Variants in SUMF1 observed in about 807,000 individuals in gnomAD.
SUMF1 encodes the protein formylglycine-generating enzyme.
SUMF1 carries 48 observed loss-of-function variants against 47.6 expected under a neutral mutation model. That is an observed-to-expected ratio of 1.01 (90% CI 0.80 to 1.28). SUMF1 has a LOEUF of 1.28. Ranked by LOEUF, SUMF1 falls within the 50% of genes most tolerant of loss-of-function variation. SUMF1 has a pLI of 0.00. For missense variants in SUMF1, 571 were observed against 485.4 expected (o/e 1.18, Z -1.66); for synonymous variants, 230 against 192.1 (o/e 1.20, Z -1.63).
At chr3:4,400,877 C>T (rs752834269) in intron 7 of SUMF1, among the ~76,000 whole-genome samples, 4 of 152,060 alleles carry the variant, frequency 2.6e-5, no homozygotes, top group Non-Finnish European at 5.9e-5. Context: ...AGTTTTGTTA[C>T]ATATGTATAC....
chr3:4,149,773 G>A (rs1037457761), intron 8 of SUMF1, among the ~76,000 whole-genome samples: 13 of 152,096 alleles, frequency 8.5e-5, no homozygotes, highest in African/African-American at 3.1e-4. Flanking sequence ...TTGCTCCCTG[G>A]CCTGTGGACG....
At chr3:4,194,997 T>G (rs1373107071) in intron 8 of SUMF1, among the ~76,000 whole-genome samples, 2 of 152,134 alleles carry the variant, frequency 1.3e-5, no homozygotes, top group East Asian at 1.9e-4. Flanking sequence ...AGTCACTTAT[T>G]TAAAGTAAAG....
At chr3:4,070,627 CCTTT>C (rs1321002141) in intron 8 of SUMF1, among the ~76,000 whole-genome samples, 1 of 151,968 alleles carries the variant, frequency 6.6e-6, no homozygotes, top group Non-Finnish European at 1.5e-5. Context: ...TCCTTTCAGT[CCTTT>C]CTTTTTCTTT....
chr3:4,265,470 T>C (rs184408425), intron 8 of SUMF1, among the ~76,000 whole-genome samples: 7 of 152,290 alleles, frequency 4.6e-5, no homozygotes, highest in Admixed American at 1.3e-4. Flanking sequence ...AAAACACTTT[T>C]TCACACATTA....
intron 8 of SUMF1, among the ~76,000 whole-genome samples, chr3:4,314,838 ATAT>A (rs1284160861): frequency 6.6e-6 from 1 of 152,176 alleles, no homozygotes; most frequent in Non-Finnish European, 1.5e-5. Flanking sequence ...AGCCCCTATG[ATAT>A]TATTAAGTAA....
intron 8 of SUMF1, among the ~76,000 whole-genome samples, chr3:4,280,951 T>G (rs1312218474): frequency 6.6e-6 from 1 of 151,656 alleles, no homozygotes; most frequent in Non-Finnish European, 1.5e-5. Flanking sequence ...CATCTTAACC[T>G]GATCACCTGC....
Position 4,074,661 on chromosome 3 carries a change from C to A in SUMF1, c.1015-5916G>T, listed in dbSNP as rs887971610. On this transcript the variant is annotated intron_variant and NMD_transcript_variant, in intron 8 of 12. Coordinates refer to the SUMF1 transcript ENST00000448413. ...ATAAAAAATGATAAAGGGGATATTA[C>A]CACCGATCCCATGGAAATACAAACT... 5.3e-5 allele frequency among the ~76,000 whole-genome samples: 8 copies of A among 151,910 alleles called. No individual in the cohort carries two copies. In the East Asian group the frequency reaches 1.5e-3, roughly 29 times the overall value.
chr3:4,226,413 G>A (rs141630370), intron 8 of SUMF1, among the ~76,000 whole-genome samples: 3,352 of 151,574 alleles, frequency 0.022, 120 homozygotes, highest in African/African-American at 0.076. Context: ...GGGACTACAG[G>A]TGCACCCCAC....
intron 1 of SUMF1, 31 bp downstream of exon 1, chr3:4,466,945 C>A: frequency 6.2e-7 from 1 of 1,602,784 alleles, no homozygotes; most frequent in Non-Finnish European, 8.5e-7. Context: ...CCGAGCAGCC[C>A]CCACCCGCCT....
chr3:4,043,301 C>T (rs528118455), intron 9 of SUMF1, among the ~76,000 whole-genome samples: 10 of 152,148 alleles, frequency 6.6e-5, no homozygotes, highest in Non-Finnish European at 1.3e-4. Context: ...GCCCTGCCCA[C>T]ACATCTCTAA....
At chr3:4,196,897 G>A (rs1449895013) in intron 8 of SUMF1, among the ~76,000 whole-genome samples, 4 of 151,984 alleles carry the variant, frequency 2.6e-5, no homozygotes, top group Non-Finnish European at 1.5e-5. Flanking sequence ...ACTTTCATTT[G>A]GCTCATTGTC....
intron 8 of SUMF1, among the ~76,000 whole-genome samples, chr3:4,171,622 T>C (rs1433595339): frequency 6.6e-6 from 1 of 152,138 alleles, no homozygotes; most frequent in African/African-American, 2.4e-5. Context: ...AACCCTCTGA[T>C]ATGGAAGCAC....
At chr3:4,249,115 G>T (rs1447658252) in intron 8 of SUMF1, among the ~76,000 whole-genome samples, 2 of 152,180 alleles carry the variant, frequency 1.3e-5, no homozygotes, top group African/African-American at 4.8e-5. Context: ...TCTTCTTAAT[G>T]CATTGGCTTC....
chr3:4,417,899 T>C, intron 5 of SUMF1, 111 bp downstream of exon 5: 2 of 1,561,672 alleles, frequency 1.3e-6, no homozygotes, highest in South Asian at 2.2e-5. Flanking sequence ...GAAAAAGAAT[T>C]ATTGTCGTTA....
At chr3:4,150,221 G>A (rs931267267) in intron 8 of SUMF1, among the ~76,000 whole-genome samples, 2 of 151,538 alleles carry the variant, frequency 1.3e-5, no homozygotes, top group East Asian at 3.9e-4. Context: ...AGCCTCCCAA[G>A]TAGCTGGGAC....
chr3:4,055,671 T>C (rs760303851), intron 9 of SUMF1, among the ~76,000 whole-genome samples: 5 of 152,058 alleles, frequency 3.3e-5, no homozygotes, highest in Admixed American at 6.6e-5. Flanking sequence ...TTTGTAGAGA[T>C]GGGGTCTTGC....
chr3:4,195,516 G>C (rs541229127), intron 8 of SUMF1, among the ~76,000 whole-genome samples: 1 of 152,064 alleles, frequency 6.6e-6, no homozygotes, highest in Non-Finnish European at 1.5e-5. Flanking sequence ...TTAACAAAAA[G>C]GAAACTGGCC....
intron 8 of SUMF1, among the ~76,000 whole-genome samples, chr3:4,091,899 A>AC (rs1559463393): frequency 2.0e-5 from 3 of 151,700 alleles, no homozygotes; most frequent in African/African-American, 2.4e-5. Context: ...AAAAAAAAAA[A>AC]AACCATCTTC....
chr3:4,203,186 A>G (rs1695576956), intron 8 of SUMF1, among the ~76,000 whole-genome samples: 1 of 151,950 alleles, frequency 6.6e-6, no homozygotes, highest in Non-Finnish European at 1.5e-5. Flanking sequence ...CCAAAAGTGG[A>G]GTATTGATGT....
Sources: gnomAD v4.1 joint callset for allele counts (sites outside exome capture counted in the v4.1 genomes callset) on GRCh38, gnomAD v4.1.1 for gene constraint, MANE v1.5 for transcripts, NCBI Gene and HGNC (gene_info 2026-07-23, HGNC 2026-07-21) for gene names.